The following SLC11A2 variants were observed in gnomAD, a reference collection of about 807,000 sequenced individuals.
SLC11A2 encodes solute carrier family 11 member 2.
A neutral mutation model predicts 68.0 loss-of-function variants in SLC11A2; 38 were observed. The observed-to-expected ratio is 0.56, with a 90% CI of 0.43 to 0.73. The LOEUF (loss-of-function observed/expected upper bound fraction) is 0.73, where lower values mean the gene tolerates loss of function less well. SLC11A2 is among the 30% of genes least tolerant of loss of function. The pLI, the probability that SLC11A2 is intolerant of heterozygous loss-of-function variation, is 0.00. For synonymous variants in SLC11A2, 242 were observed against 250.6 expected (o/e 0.97, Z 0.32); for missense variants, 517 against 690.5 (o/e 0.75, Z 2.82).
chr12:50,972,164 G>A, the SLC11A2 span, among the ~76,000 whole-genome samples: 2 of 152,210 alleles, frequency 1.3e-5, no homozygotes, highest in African/African-American at 4.8e-5. Flanking sequence ...GTTGTGCAAT[G>A]AAAAGTATTT....
intron 5 of SLC11A2, among the ~76,000 whole-genome samples, chr12:51,003,184 G>A (rs1318610972): frequency 6.6e-6 from 1 of 152,084 alleles, no homozygotes; most frequent in Non-Finnish European, 1.5e-5. Flanking sequence ...GCAGTGAGCT[G>A]AGATCACGCC....
chr12:51,012,409 G>C (rs1236956837), intron 1 of SLC11A2, among the ~76,000 whole-genome samples: 1 of 152,176 alleles, frequency 6.6e-6, no homozygotes, highest in Non-Finnish European at 1.5e-5. Flanking sequence ...TTTAGAAGGG[G>C]AAGGACAACA....
Position 51,018,597 on chromosome 12 carries a change from G to A in SLC11A2, c.-39+7713C>T, listed in dbSNP as rs142327873. Among the ~76,000 whole-genome samples, 28 of 151,620 alleles carry A rather than the reference G, an allele frequency of 1.8e-4. 1 individual carries two copies. In the East Asian group the frequency reaches 5.0e-3, roughly 27 times the overall value. ...AGTTCAATGCCAGCCTGGGCAACAGGGCAAAACCCCATCCCTACAAAAAAT... is the reference window on the plus strand; with the variant it reads ...AGTTCAATGCCAGCCTGGGCAACAGAGCAAAACCCCATCCCTACAAAAAAT... On this transcript the variant is annotated intron_variant, in intron 1 of 15. Coordinates refer to ENST00000262052, the MANE Select transcript of SLC11A2 (RefSeq NM_000617.3).
At chr12:51,016,818 G>A (rs1943693730) in intron 1 of SLC11A2, among the ~76,000 whole-genome samples, 1 of 141,392 alleles carries the variant, frequency 7.1e-6, no homozygotes. Context: ...CTGCACTCCA[G>A]CCTGGGTGAC....
chr12:51,020,459 A>AT (rs1452471151), intron 1 of SLC11A2, among the ~76,000 whole-genome samples: 1 of 152,208 alleles, frequency 6.6e-6, no homozygotes, highest in Non-Finnish European at 1.5e-5. Flanking sequence ...TCATTTTAGA[A>AT]AAAGGCCTCA....
chr12:51,006,586 C>T (rs547691272), intron 3 of SLC11A2, among the ~76,000 whole-genome samples: 2 of 152,032 alleles, frequency 1.3e-5, no homozygotes, highest in Non-Finnish European at 2.9e-5. Flanking sequence ...ACTAGGAGTC[C>T]GGTACCTTTT....
downstream of SLC11A2, among the ~76,000 whole-genome samples, chr12:50,977,532 C>T (rs577759341): frequency 1.2e-3 from 179 of 152,228 alleles, 1 homozygote; most frequent in African/African-American, 4.1e-3. Flanking sequence ...AGACCTAAAA[C>T]CATAAAAACC....
downstream of SLC11A2, among the ~76,000 whole-genome samples, chr12:50,982,336 C>G (rs760149016): frequency 3.3e-5 from 5 of 152,186 alleles, no homozygotes; most frequent in Non-Finnish European, 7.3e-5. Context: ...TTTTAAAACA[C>G]AATTCCCAGC....
intron 9 of SLC11A2, 113 bp from the exon 10 acceptor site, chr12:50,995,900 G>A (rs902784161): frequency 1.6e-5 from 15 of 910,508 alleles, no homozygotes; most frequent in South Asian, 6.8e-5. Context: ...TTGACCAGAC[G>A]AAAAGTGAGA....
At chr12:50,971,433 G>A in the SLC11A2 span, among the ~76,000 whole-genome samples, 96 of 152,130 alleles carry the variant, frequency 6.3e-4, no homozygotes, top group Non-Finnish European at 1.3e-4. Context: ...AGACTTTAAA[G>A]TAGTTCTAGG....
chr12:51,001,829 A>C (rs1311847094), intron 5 of SLC11A2, among the ~76,000 whole-genome samples: 2 of 152,134 alleles, frequency 1.3e-5, no homozygotes, highest in Non-Finnish European at 2.9e-5. Context: ...CAAGAGCAAG[A>C]CTGTCTCAAC....
At chr12:50,999,542 C>A (rs777781955) in intron 6 of SLC11A2, 127 bp from the exon 7 acceptor site, 1 of 781,140 alleles carries the variant, frequency 1.3e-6, no homozygotes, top group Non-Finnish European at 2.2e-6. Context: ...GGAGGAGGGA[C>A]AATGGCAGAA....
At chr12:50,984,835 T>A (rs1325631020), downstream of SLC11A2, among the ~76,000 whole-genome samples, 3 of 152,182 alleles carry the variant, frequency 2.0e-5, no homozygotes, top group Non-Finnish European at 4.4e-5. Context: ...ATGAAACAAA[T>A]GCTTCAGTGT....
At chr12:50,956,893 T>C in the SLC11A2 span, among the ~76,000 whole-genome samples, 2 of 152,208 alleles carry the variant, frequency 1.3e-5, no homozygotes, top group African/African-American at 2.4e-5. Context: ...TCATTTGTTA[T>C]ATATTTCCAG....
chr12:51,019,395 C>T (rs555125711), intron 1 of SLC11A2, among the ~76,000 whole-genome samples: 3 of 152,318 alleles, frequency 2.0e-5, no homozygotes, highest in East Asian at 3.9e-4. Flanking sequence ...ATTAACACAA[C>T]ACCTTGTTGT....
At position 50,987,360 on chromosome 12, in the gene SLC11A2, C is replaced by G; in HGVS notation, c.*965G>C. The G allele has an allele frequency of 7.8e-7, 1 of 1,287,178 alleles. No individual in the cohort carries two copies. Among genetic ancestry groups the G allele is most frequent in the Non-Finnish European group, 1.0e-6 (1 of 988,688 alleles). The allele number at this position is 1,287,178 out of a possible 1,614,324, so 79.7% of individuals were successfully genotyped here. A position where few individuals can be genotyped will look rare whatever the true frequency, so the allele number is the denominator to read the frequency against. On this transcript the variant is annotated 3_prime_UTR_variant, in exon 16 of 16. Transcript: ENST00000262052. ...TTGGGCATGAAGCAGAGCGGTGCAT[C>G]AGAAAAACATGACGATTCTGCTGAG...
chr12:50,981,662 CG>C (rs2136123447), downstream of SLC11A2: 3 of 1,070,832 alleles, frequency 2.8e-6, no homozygotes, highest in East Asian at 5.2e-5. Context: ...GAGACGTTAA[CG>C]GGACACCTGG....
the SLC11A2 span, among the ~76,000 whole-genome samples, chr12:50,965,835 T>C: frequency 1.3e-5 from 2 of 152,218 alleles, no homozygotes; most frequent in Non-Finnish European, 2.9e-5. Flanking sequence ...TTTTTGTCTG[T>C]CGAACATGGT....
intron 3 of SLC11A2, among the ~76,000 whole-genome samples, chr12:51,007,383 G>A (rs140745674): frequency 1.4e-4 from 22 of 152,224 alleles, no homozygotes; most frequent in African/African-American, 3.6e-4. Context: ...CACTCAGGCC[G>A]GAGTGCAGTG....
Sources: gnomAD v4.1 joint callset for allele counts (sites outside exome capture counted in the v4.1 genomes callset) on GRCh38, gnomAD v4.1.1 for gene constraint, MANE v1.5 for transcripts, NCBI Gene and HGNC (gene_info 2026-07-23, HGNC 2026-07-21) for gene names.